MIPOL1: variants seen among roughly 807,000 people sequenced by gnomAD.
The protein encoded by MIPOL1 is mirror-image polydactyly 1.
MIPOL1 carries 57 observed loss-of-function variants against 60.9 expected under a neutral mutation model. The observed-to-expected ratio is 0.94, with a 90% CI of 0.76 to 1.17. MIPOL1 has a LOEUF of 1.17. Ranked by LOEUF, MIPOL1 falls within the 50% of genes most tolerant of loss-of-function variation. MIPOL1 has a pLI of 0.00. For missense variants in MIPOL1, 551 were observed against 511.6 expected (o/e 1.08, Z -0.74); for synonymous variants, 179 against 168.8 (o/e 1.06, Z -0.47).
rs1173993657 is a variant in MIPOL1, at chr14:37,524,565, C to CTTT, written c.1263-22338_1263-22336dup. Among the ~76,000 whole-genome samples, 1,164 of 124,756 alleles carry CTTT rather than the reference C, an allele frequency of 9.3e-3. 157 individuals carry two copies. Among genetic ancestry groups the CTTT allele is most frequent in the African/African-American group, 0.024 (783 of 32,372 alleles). The allele number at this position is 124,756 out of a possible 152,430, so 81.8% of individuals were successfully genotyped here. ...TCTTGACATCTTAATTTTTCTTTTT[C>CTTT]TTTTCTTTTTTTTTTTTTTTGAGAT... On this transcript the variant is annotated intron_variant, in intron 12 of 12. Coordinates refer to ENST00000684589, the MANE Select transcript of MIPOL1 (RefSeq NM_001388067.1).
intron 9 of MIPOL1, among the ~76,000 whole-genome samples, chr14:37,325,365 C>G (rs2089045574): frequency 6.6e-6 from 1 of 151,992 alleles, no homozygotes; most frequent in Non-Finnish European, 1.5e-5. Context: ...AAAATATACT[C>G]TTTTTTATCT....
Position 37,308,097 on chromosome 14 carries a change from A to G in MIPOL1, c.657+8A>G, listed in dbSNP as rs757382162. 3.7e-6 allele frequency: 6 copies of G among 1,609,040 alleles called. No individual in the cohort carries two copies. The highest frequency in any genetic ancestry group is 5.1e-6 in the Non-Finnish European group (6 of 1,177,112). Reference sequence around the variant, plus strand: ...CCTGAAGAAAATGACATGGTAAGCCATTCTCTGAGGAGATTTCTTGATGTC... The same window carrying G: ...CCTGAAGAAAATGACATGGTAAGCCGTTCTCTGAGGAGATTTCTTGATGTC... On this transcript the variant is annotated splice_region_variant and intron_variant, in intron 8 of 12. Coordinates refer to ENST00000684589, the MANE Select transcript of MIPOL1 (RefSeq NM_001388067.1).
chr14:37,370,469 A>G (rs996991131), intron 10 of MIPOL1, among the ~76,000 whole-genome samples: 3 of 152,158 alleles, frequency 2.0e-5, no homozygotes, highest in African/African-American at 7.2e-5. Context: ...CAAGAATATT[A>G]TATTCTACTT....
chr14:37,338,945 A>T (rs2090383924), intron 9 of MIPOL1, among the ~76,000 whole-genome samples: 1 of 152,192 alleles, frequency 6.6e-6, no homozygotes, highest in African/African-American at 2.4e-5. Context: ...AAGAAGACAC[A>T]AGTAGCTGTA....
intron 12 of MIPOL1, among the ~76,000 whole-genome samples, chr14:37,536,705 T>G (rs2095507791): frequency 6.6e-6 from 1 of 152,210 alleles, no homozygotes; most frequent in African/African-American, 2.4e-5. Context: ...TATTTTAGAC[T>G]TTGCTCTTTG....
intron 11 of MIPOL1, among the ~76,000 whole-genome samples, chr14:37,489,696 C>T (rs1220720832): frequency 6.6e-6 from 1 of 152,110 alleles, no homozygotes; most frequent in Admixed American, 6.5e-5. Context: ...TTCCTTCTAA[C>T]AGTCAGGCCC....
In MIPOL1 at chr14:37,512,852, C is replaced by A. The variant is rs2095339457; in HGVS notation, c.1262+12714C>A. ...GAAAGTTAACTTTGATTTATTAGTACTATTAATAAGTGGGAGGAGACCTAA... is the reference window on the plus strand; with the variant it reads ...GAAAGTTAACTTTGATTTATTAGTAATATTAATAAGTGGGAGGAGACCTAA... On this transcript the variant is annotated intron_variant, in intron 12 of 12. Coordinates refer to ENST00000684589, the MANE Select transcript of MIPOL1 (RefSeq NM_001388067.1). Among the ~76,000 whole-genome samples the A allele has an allele frequency of 3.3e-5, 5 of 152,032 alleles. No homozygotes were observed. In the South Asian group the frequency reaches 8.3e-4, roughly 25 times the overall value.
intron 11 of MIPOL1, among the ~76,000 whole-genome samples, chr14:37,433,822 C>G (rs1027857469): frequency 6.6e-6 from 1 of 152,130 alleles, no homozygotes; most frequent in Non-Finnish European, 1.5e-5. Context: ...TCCCAAAGTG[C>G]CAGGATTACA....
intron 11 of MIPOL1, among the ~76,000 whole-genome samples, chr14:37,464,364 T>C (rs1286684115): frequency 3.3e-5 from 5 of 152,088 alleles, no homozygotes; most frequent in Admixed American, 6.6e-5. Context: ...ATAAAGAAAA[T>C]GTGGTATATA....
At chr14:37,544,391 G>A (rs2095540337) in intron 12 of MIPOL1, among the ~76,000 whole-genome samples, 1 of 152,126 alleles carries the variant, frequency 6.6e-6, no homozygotes, top group East Asian at 1.9e-4. Context: ...CTGTTCTTCA[G>A]TTTCTTCATA....
chr14:37,519,330 TGTATTCTGTGCTTATGTAAGTG>T, intron 12 of MIPOL1, among the ~76,000 whole-genome samples: 1 of 152,286 alleles, frequency 6.6e-6, no homozygotes, highest in Admixed American at 6.5e-5. Flanking sequence ...TTCTCACTCA[TGTATTCTGTGCTTATGTAAGTG>T]ATGGCAGATA....
At chr14:37,357,901 A>G (rs982684787) in intron 9 of MIPOL1, among the ~76,000 whole-genome samples, 1 of 152,148 alleles carries the variant, frequency 6.6e-6, no homozygotes, top group Non-Finnish European at 1.5e-5. Context: ...CAGGTTTGTT[A>G]CATAGTTATA....
At chr14:37,330,825 G>A (rs945997983) in intron 9 of MIPOL1, among the ~76,000 whole-genome samples, 1 of 151,766 alleles carries the variant, frequency 6.6e-6, no homozygotes, top group Non-Finnish European at 1.5e-5. Flanking sequence ...AGGATGCCAG[G>A]AGGAGAGATC....
At chr14:37,521,585 C>T (rs1291226105) in intron 12 of MIPOL1, among the ~76,000 whole-genome samples, 2 of 151,922 alleles carry the variant, frequency 1.3e-5, no homozygotes, top group African/African-American at 4.8e-5. Context: ...AAACAAGTTA[C>T]AACTACCAAA....
chr14:37,544,213 C>G (rs555946647), intron 12 of MIPOL1, among the ~76,000 whole-genome samples: 1 of 152,086 alleles, frequency 6.6e-6, no homozygotes, highest in South Asian at 2.1e-4. Context: ...AAAATACCAA[C>G]AAAACAACAA....
In MIPOL1 at chr14:37,468,926, G is replaced by A. The variant is rs1284734361; in HGVS notation, c.1032-30982G>A. ...CTGACTGGAGTGTAGAGGTAAATAGGTGAATGATGAGAAATGAGCTATAAA... is the reference window on the plus strand; with the variant it reads ...CTGACTGGAGTGTAGAGGTAAATAGATGAATGATGAGAAATGAGCTATAAA... On this transcript the variant is annotated intron_variant, in intron 11 of 12. Coordinates refer to ENST00000684589, the MANE Select transcript of MIPOL1 (RefSeq NM_001388067.1). 5.9e-5 allele frequency among the ~76,000 whole-genome samples: 9 copies of A among 152,256 alleles called. No individual in the cohort carries two copies. The East Asian group carries it at 1.7e-3, about 29-fold the overall frequency.
intron 3 of MIPOL1, among the ~76,000 whole-genome samples, chr14:37,259,044 A>C (rs561869292): frequency 6.6e-6 from 1 of 152,242 alleles, no homozygotes; most frequent in African/African-American, 2.4e-5. Flanking sequence ...TGTTTATCTA[A>C]ATATAACCAT....
intron 9 of MIPOL1, 128 bp from the exon 10 acceptor site, chr14:37,369,389 A>G (rs542532181): frequency 1.4e-5 from 6 of 423,334 alleles, no homozygotes; most frequent in South Asian, 1.2e-4. Flanking sequence ...TTTACTTACC[A>G]TTCTTGTTGC....
chr14:37,441,390 A>G lies in MIPOL1; in HGVS notation c.1031+18441A>G, dbSNP rs183154534. On this transcript the variant is annotated intron_variant, in intron 11 of 12. Coordinates refer to ENST00000684589, the MANE Select transcript of MIPOL1 (RefSeq NM_001388067.1). Reference sequence around the variant, plus strand: ...TTTAGGTCTTATATTTAAGTATTTAATCCATCTTAAGTTAATTTTTCTATA... The same window carrying G: ...TTTAGGTCTTATATTTAAGTATTTAGTCCATCTTAAGTTAATTTTTCTATA... 2.2e-3 allele frequency among the ~76,000 whole-genome samples: 329 copies of G among 152,204 alleles called. 1 individual carries two copies. Among genetic ancestry groups the G allele is most frequent in the African/African-American group, 7.7e-3 (320 of 41,548 alleles).
Sources: allele counts gnomAD v4.1 joint callset (sites outside exome capture counted in the v4.1 genomes callset), GRCh38; gene constraint gnomAD v4.1.1; transcripts MANE v1.5; gene names NCBI Gene and HGNC (gene_info 2026-07-23, HGNC 2026-07-21).